The following CCDC14 variants were observed in gnomAD, a reference collection of about 807,000 sequenced individuals.
The protein encoded by CCDC14 is coiled-coil domain containing 14.
Under a neutral mutation model 81.4 loss-of-function variants are expected in CCDC14, and 71 were observed. That is an observed-to-expected ratio of 0.87 (90% CI 0.72 to 1.06). The LOEUF (loss-of-function observed/expected upper bound fraction) is 1.06. CCDC14 is among the 50% of genes least tolerant of loss of function. The pLI is 0.00. For synonymous variants in CCDC14, 332 were observed against 364.8 expected (o/e 0.91, Z 1.03); for missense variants, 1,046 against 1,047.3 (o/e 1.00, Z 0.02).
chr3:123,905,561 A>T (rs934523215), intron 5 of CCDC14, among the ~76,000 whole-genome samples: 2 of 152,332 alleles, frequency 1.3e-5, no homozygotes, highest in East Asian at 1.9e-4. Context: ...AAAAAAAAAG[A>T]TACAGGAAAC....
chr3:123,952,596 T>G, intron 5 of CCDC14: 1 of 531,382 alleles, frequency 1.9e-6, no homozygotes, highest in Non-Finnish European at 3.9e-6. Context: ...TGTGCTTACC[T>G]GACTCCATAG....
chr3:123,917,172 T>C (rs1446443441), intron 12 of CCDC14, among the ~76,000 whole-genome samples: 2 of 151,420 alleles, frequency 1.3e-5, no homozygotes, highest in Non-Finnish European at 2.9e-5. Flanking sequence ...GACTTTAGTC[T>C]ATTTAAATTG....
intron 9 of CCDC14, among the ~76,000 whole-genome samples, chr3:123,936,802 T>G (rs1314792906): frequency 1.3e-5 from 2 of 152,042 alleles, no homozygotes; most frequent in Non-Finnish European, 2.9e-5. Flanking sequence ...GACACGTGTT[T>G]ACCTATGTAA....
chr3:123,901,230 C>A (rs1263496941), intron 5 of CCDC14, among the ~76,000 whole-genome samples: 3 of 149,136 alleles, frequency 2.0e-5, no homozygotes, highest in Non-Finnish European at 4.4e-5. Context: ...GAAGCTCCAT[C>A]TCAAAAATAA....
downstream of CCDC14, among the ~76,000 whole-genome samples, chr3:123,912,362 C>T (rs186147595): frequency 1.2e-4 from 19 of 152,262 alleles, no homozygotes; most frequent in East Asian, 3.3e-3. Flanking sequence ...CTAAAGACGA[C>T]GACTGAGAAT....
rs894278156 is a variant in CCDC14 at position 123,939,764 on chromosome 3, A to C, written c.1343+5085T>G. ...GTTAGGCACAATTCCTAGCACTAGA[A>C]ATATAGTTGCAAACTATAAAGCGAC... is the stretch of plus-strand genomic sequence containing the variant. On this transcript the variant is annotated intron_variant, in intron 9 of 12. Transcript: ENST00000409697. Among the ~76,000 whole-genome samples the C allele has an allele frequency of 5.3e-5, 8 of 152,004 alleles. No individual in the cohort carries two copies. The East Asian group carries it at 1.5e-3, about 29-fold the overall frequency.
At position 123,945,180 on chromosome 3, in the gene CCDC14, A is replaced by C. The variant is rs1294568475; in HGVS notation, c.1202-190T>G. Among the ~76,000 whole-genome samples, 4 of 152,028 alleles carry C rather than the reference A, an allele frequency of 2.6e-5. No individual in the cohort carries two copies. The East Asian group carries it at 7.7e-4, about 29-fold the overall frequency. On this transcript the variant is annotated intron_variant, in intron 8 of 12. Coordinates refer to ENST00000409697, the MANE Select transcript of CCDC14 (RefSeq NM_001366335.1). ...TGCTGCTGGTATTTGTTTCCTCAGAATTCTAAAGAAATTAAGTTCAGTAAA... is the reference window on the plus strand; with the variant it reads ...TGCTGCTGGTATTTGTTTCCTCAGACTTCTAAAGAAATTAAGTTCAGTAAA...
intron 12 of CCDC14, among the ~76,000 whole-genome samples, chr3:123,917,125 G>C (rs1683596106): frequency 6.6e-6 from 1 of 151,664 alleles, no homozygotes; most frequent in African/African-American, 2.4e-5. Flanking sequence ...TTACAGGCGT[G>C]AGCCACCACG....
chr3:123,896,369 C>A (rs2034062768), downstream of CCDC14, among the ~76,000 whole-genome samples: 2 of 152,102 alleles, frequency 1.3e-5, no homozygotes, highest in South Asian at 4.1e-4. Context: ...AAATGAATAC[C>A]TTTTATTTAT....
chr3:123,937,982 C>T (rs2036149690), intron 9 of CCDC14, among the ~76,000 whole-genome samples: 1 of 151,794 alleles, frequency 6.6e-6, no homozygotes, highest in Admixed American at 6.6e-5. Flanking sequence ...GAATTTGTTT[C>T]TAGACTCTAT....
At chr3:123,941,896 AT>A (rs2036370180) in intron 9 of CCDC14, among the ~76,000 whole-genome samples, 2 of 152,092 alleles carry the variant, frequency 1.3e-5, no homozygotes, top group Non-Finnish European at 2.9e-5. Flanking sequence ...AACCACTAAT[AT>A]TTTCCATGGT....
intron 10 of CCDC14, 49 bp downstream of exon 10, chr3:123,933,624 T>C: frequency 7.7e-7 from 1 of 1,295,962 alleles, no homozygotes; most frequent in African/African-American, 1.5e-5. Flanking sequence ...TTTATCAACA[T>C]TTCCGGAGCC....
chr3:123,932,670 C>A (rs1214659543), intron 10 of CCDC14, among the ~76,000 whole-genome samples: 1 of 152,056 alleles, frequency 6.6e-6, no homozygotes, highest in African/African-American at 2.4e-5. Context: ...AATAAAAATT[C>A]TTATATTTTC....
downstream of CCDC14, among the ~76,000 whole-genome samples, chr3:123,912,733 AAAAC>A (rs2034475642): frequency 6.6e-6 from 1 of 152,106 alleles, no homozygotes; most frequent in Non-Finnish European, 1.5e-5. Flanking sequence ...AAAAAACAAA[AAAAC>A]AAAAAACACC....
intron 9 of CCDC14, among the ~76,000 whole-genome samples, chr3:123,944,552 G>A (rs1420620111): frequency 7.2e-5 from 11 of 152,190 alleles, no homozygotes; most frequent in Admixed American, 2.0e-4. Context: ...TTAGAAGTTC[G>A]TTTCTGCAGC....
intron 9 of CCDC14, 98 bp from the exon 10 acceptor site, chr3:123,933,853 T>A: frequency 1.3e-6 from 1 of 769,198 alleles, no homozygotes; most frequent in Non-Finnish European, 2.1e-6. Context: ...ATAAACCCAC[T>A]AAGACAGCAG....
At chr3:123,901,246 T>TAAAAAAAAA (rs576824336) in intron 5 of CCDC14, among the ~76,000 whole-genome samples, 1 of 135,298 alleles carries the variant, frequency 7.4e-6, no homozygotes. Context: ...AATAAAAAAA[T>TAAAAAAAAA]AAAAAAAAAA....
chr3:123,920,600 C>G (rs2034987064), intron 12 of CCDC14, among the ~76,000 whole-genome samples: 1 of 152,196 alleles, frequency 6.6e-6, no homozygotes, highest in South Asian at 2.1e-4. Context: ...TCCAGCAAAA[C>G]TGTCCAGAAA....
At position 123,931,390 on chromosome 3, in the gene CCDC14, A is replaced by C; in HGVS notation, c.1563T>G (p.Phe521Leu). The change falls in exon 11 of 13, where the codon TTT (phenylalanine) becomes TTG (leucine). Residue 521 changes from phenylalanine (F) to leucine (L), a missense_variant. Phe to Leu is a conservative substitution (Grantham distance 22). Transcript: ENST00000409697. ...IENQKDENKK[F>L]SSIFKDKDQT... ...GATCTTTGTCTTTAAATATACTACT[A>C]AATTTTTTGTTTTCATCTTTCTGAT... The C allele has an allele frequency of 3.3e-6, 5 of 1,529,786 alleles. No individual in the cohort carries two copies. The highest frequency in any genetic ancestry group is 4.4e-6 in the Non-Finnish European group (5 of 1,127,166). The allele number at this position is 1,529,786 out of a possible 1,614,324, so 94.8% of individuals were successfully genotyped here. A position where few individuals can be genotyped will look rare whatever the true frequency, so the allele number is the denominator to read the frequency against.
Sources: gnomAD v4.1 joint callset for allele counts (sites outside exome capture counted in the v4.1 genomes callset) on GRCh38, gnomAD v4.1.1 for gene constraint, MANE v1.5 for transcripts, NCBI Gene and HGNC (gene_info 2026-07-23, HGNC 2026-07-21) for gene names.